ANGPT1: variants seen among roughly 807,000 people sequenced by gnomAD.
The protein encoded by ANGPT1 is angiopoietin-1.
In ANGPT1, 17 loss-of-function variants were observed where a neutral mutation model predicts 62.2. That is an observed-to-expected ratio of 0.27 (90% CI 0.19 to 0.41). ANGPT1 has a LOEUF of 0.41. ANGPT1 is among the 10% of genes least tolerant of loss of function. The pLI is 1.00. For missense variants in ANGPT1, 478 were observed against 594.9 expected (o/e 0.80, Z 2.04); for synonymous variants, 199 against 198.9 (o/e 1.00, Z 0.00).
rs570011592 is a variant in ANGPT1 at position 107,288,040 on chromosome 8, TAC to T, written c.1039-3194_1039-3193del. ...ATATGTGGGGAAACAAGTTCCTTTC[TAC>T]TTTGTATAAGAAAAGGAAAAAGAAT... On this transcript the variant is annotated intron_variant, in intron 6 of 8. Transcript: ENST00000517746. Among the ~76,000 whole-genome samples, 76 of 152,276 alleles carry T rather than the reference TAC, an allele frequency of 5.0e-4. 1 individual carries two copies. In the South Asian group the frequency reaches 0.016, roughly 32 times the overall value.
At chr8:107,258,801 G>T (rs1813427782) in intron 8 of ANGPT1, among the ~76,000 whole-genome samples, 1 of 152,144 alleles carries the variant, frequency 6.6e-6, no homozygotes, top group Non-Finnish European at 1.5e-5. Flanking sequence ...TTCCATGCTG[G>T]TGCATATAAA....
intron 1 of ANGPT1, among the ~76,000 whole-genome samples, chr8:107,459,337 G>T (rs1213035350): frequency 6.6e-6 from 1 of 152,048 alleles, no homozygotes; most frequent in Non-Finnish European, 1.5e-5. Flanking sequence ...ATTACTTGAG[G>T]TCAGGAGTTT....
intron 3 of ANGPT1, among the ~76,000 whole-genome samples, chr8:107,332,543 C>T (rs1815448354): frequency 1.3e-5 from 2 of 152,176 alleles, no homozygotes; most frequent in Admixed American, 6.5e-5. Flanking sequence ...AATCCATTTC[C>T]AATCCTACAA....
Position 107,303,577 on chromosome 8 carries a change from AT to A in ANGPT1, c.809-211del, listed in dbSNP as rs3840711. ...AACTGAAGGAAAAAGCTGTAGAGCC[AT>A]TTTTAACTGAATGCTTATATTTTAC... On this transcript the variant is annotated intron_variant, in intron 4 of 8. Transcript: ENST00000517746. Among the ~76,000 whole-genome samples, 58,760 of 150,790 alleles carry A rather than the reference AT, an allele frequency of 0.39. 11,722 individuals carry two copies. Among genetic ancestry groups the A allele is most frequent in the Middle Eastern group, 0.47 (136 of 292 alleles).
In ANGPT1 at chr8:107,423,827, CTTTTTTTTTTT is replaced by C. The variant is rs869079818; in HGVS notation, c.297+73424_297+73434del. Among the ~76,000 whole-genome samples, 549 of 74,496 alleles carry C rather than the reference CTTTTTTTTTTT, an allele frequency of 7.4e-3. 5 individuals are homozygous for C. Among genetic ancestry groups the C allele is most frequent in the African/African-American group, 0.028 (501 of 17,618 alleles). The allele number at this position is 74,496 out of a possible 152,430, so 48.9% of individuals were successfully genotyped here. A position where few individuals can be genotyped will look rare whatever the true frequency, so the allele number is the denominator to read the frequency against. On this transcript the variant is annotated intron_variant, in intron 1 of 8. Transcript: ENST00000517746. ...TTCAGGTACCTTTTCCTTTTCCTTT[CTTTTTTTTTTT>C]TTTTTTTTTTTTTTTTTTCTGAGAC...
At chr8:107,404,095 G>A (rs763753760) in intron 1 of ANGPT1, among the ~76,000 whole-genome samples, 1 of 152,026 alleles carries the variant, frequency 6.6e-6, no homozygotes, top group African/African-American at 2.4e-5. Flanking sequence ...TCAGCTTCGT[G>A]CCGGCCACAA....
intron 2 of ANGPT1, among the ~76,000 whole-genome samples, chr8:107,338,414 T>A (rs73701098): frequency 6.6e-6 from 1 of 152,164 alleles, no homozygotes; most frequent in Non-Finnish European, 1.5e-5. Flanking sequence ...GTGGTCTCAC[T>A]TGCCTCACCC....
intron 1 of ANGPT1, among the ~76,000 whole-genome samples, chr8:107,365,507 A>G (rs1276304173): frequency 6.6e-6 from 1 of 152,188 alleles, no homozygotes. Context: ...GACTCTCACC[A>G]TTAATGCATC....
intron 1 of ANGPT1, among the ~76,000 whole-genome samples, chr8:107,384,453 A>G (rs540836111): frequency 2.8e-4 from 43 of 151,850 alleles, no homozygotes; most frequent in African/African-American, 6.3e-4. Context: ...TTAATTACAA[A>G]AAAAAAATAG....
At chr8:107,278,142 C>A (rs1448600972) in intron 7 of ANGPT1, among the ~76,000 whole-genome samples, 1 of 151,412 alleles carries the variant, frequency 6.6e-6, no homozygotes, top group Non-Finnish European at 1.5e-5. Flanking sequence ...GCAGTGCAAT[C>A]ACAGCTCACT....
intron 1 of ANGPT1, among the ~76,000 whole-genome samples, chr8:107,362,976 G>C (rs184708508): frequency 1.3e-5 from 2 of 152,234 alleles, no homozygotes; most frequent in African/African-American, 4.8e-5. Context: ...CAAACTGGGG[G>C]AAATGTCTTG....
chr8:107,439,364 AT>A (rs1488512812), intron 1 of ANGPT1, among the ~76,000 whole-genome samples: 4 of 152,226 alleles, frequency 2.6e-5, no homozygotes, highest in Non-Finnish European at 5.9e-5. Context: ...GAAAGCCAAA[AT>A]GAGAAAATTA....
intron 4 of ANGPT1, among the ~76,000 whole-genome samples, chr8:107,312,232 G>T (rs1814889625): frequency 6.6e-6 from 1 of 152,170 alleles, no homozygotes; most frequent in African/African-American, 2.4e-5. Context: ...CACGGCCCTT[G>T]CCATTTGTTC....
chr8:107,323,246 T>C (rs1815198927), intron 3 of ANGPT1, among the ~76,000 whole-genome samples: 1 of 152,088 alleles, frequency 6.6e-6, no homozygotes, highest in Non-Finnish European at 1.5e-5. Flanking sequence ...TTTTATGGAG[T>C]GTCTAATATA....
chr8:107,385,557 A>G (rs1182347461), intron 1 of ANGPT1, among the ~76,000 whole-genome samples: 1 of 152,128 alleles, frequency 6.6e-6, no homozygotes, highest in Non-Finnish European at 1.5e-5. Context: ...TTCTAGGTGT[A>G]GTATCATATC....
chr8:107,281,743 A>C (rs1034442342), intron 7 of ANGPT1, among the ~76,000 whole-genome samples: 9 of 152,134 alleles, frequency 5.9e-5, no homozygotes, highest in Non-Finnish European at 1.3e-4. Flanking sequence ...GCGCCATTGC[A>C]CTCCAGCCTG....
At chr8:107,384,393 A>G (rs1381027977) in intron 1 of ANGPT1, among the ~76,000 whole-genome samples, 1 of 152,256 alleles carries the variant, frequency 6.6e-6, no homozygotes, top group African/African-American at 2.4e-5. Context: ...ATTGCATATA[A>G]AAGTTCTTCA....
chr8:107,446,651 G>A (rs974158214), intron 1 of ANGPT1, among the ~76,000 whole-genome samples: 16 of 152,194 alleles, frequency 1.1e-4, no homozygotes, highest in Admixed American at 3.9e-4. Flanking sequence ...AAGCAGGGAG[G>A]AATAGAATCA....
rs572380776 is a variant in ANGPT1 at position 107,336,462 on chromosome 8, G to C, written c.454-191C>G. 34 of 787,782 alleles carry C rather than the reference G, an allele frequency of 4.3e-5. No individual in the cohort carries two copies. The Admixed American group carries it at 5.7e-4, about 13-fold the overall frequency. 48.8% of individuals were successfully genotyped at this position (787,782 alleles called of 1,614,324 possible). A position where few individuals can be genotyped will look rare whatever the true frequency, so the allele number is the denominator to read the frequency against. On this transcript the variant is annotated intron_variant, in intron 2 of 8. Transcript: ENST00000517746. The stretch of plus-strand genomic sequence containing the variant: ...GGGTGGATCACGAGGTCAAGAGATC[G>C]AGACCATCCTGGCAAACATGGTGAA...
Sources: gnomAD v4.1 joint callset for allele counts (sites outside exome capture counted in the v4.1 genomes callset) on GRCh38, gnomAD v4.1.1 for gene constraint, MANE v1.5 for transcripts, NCBI Gene and HGNC (gene_info 2026-07-23, HGNC 2026-07-21) for gene names.